The following UNC13C variants were observed in gnomAD, a reference collection of about 807,000 sequenced individuals.
UNC13C encodes protein unc-13 homolog C.
In UNC13C, 174 loss-of-function variants were observed where a neutral mutation model predicts 245.4. The ratio of observed to expected loss-of-function variants is 0.71; its 90% confidence interval spans 0.63 to 0.80. The LOEUF is 0.80. UNC13C is among the 30% of genes least tolerant of loss of function. The pLI, the probability that UNC13C is intolerant of heterozygous loss-of-function variation, is 0.00. For missense variants in UNC13C, 2,829 were observed against 2,602.9 expected (o/e 1.09, Z -1.89); for synonymous variants, 992 against 895.1 (o/e 1.11, Z -1.93).
intron 20 of UNC13C, among the ~76,000 whole-genome samples, chr15:54,495,321 C>T (rs1375324555): frequency 6.6e-6 from 1 of 151,964 alleles, no homozygotes; most frequent in Non-Finnish European, 1.5e-5. Context: ...ATAAAGACCC[C>T]CACCCTGAAA....
chr15:54,286,655 A>T (rs377256646), intron 10 of UNC13C, among the ~76,000 whole-genome samples: 59 of 152,076 alleles, frequency 3.9e-4, no homozygotes, highest in Non-Finnish European at 7.1e-4. Context: ...TATCTAGGAG[A>T]CTCTATATCT....
At chr15:54,382,845 T>A (rs1285271669) in intron 17 of UNC13C, among the ~76,000 whole-genome samples, 1 of 151,858 alleles carries the variant, frequency 6.6e-6, no homozygotes, top group Admixed American at 6.6e-5. Context: ...ACAGACGACC[T>A]CAGAAATGAA....
chr15:54,433,899 T>G (rs1046328861), intron 19 of UNC13C, among the ~76,000 whole-genome samples: 2 of 152,072 alleles, frequency 1.3e-5, no homozygotes, highest in East Asian at 3.9e-4. Flanking sequence ...AGATACAAAA[T>G]CGATGTGCAA....
chr15:54,501,930 C>G (rs1319630582), intron 22 of UNC13C, among the ~76,000 whole-genome samples: 1 of 152,100 alleles, frequency 6.6e-6, no homozygotes, highest in Non-Finnish European at 1.5e-5. Flanking sequence ...GAAGATACCC[C>G]AGATCTTGAA....
intron 30 of UNC13C, among the ~76,000 whole-genome samples, chr15:54,587,150 TGTGTC>T (rs1898537439): frequency 6.6e-6 from 1 of 152,212 alleles, no homozygotes; most frequent in Non-Finnish European, 1.5e-5. Context: ...TTCAAACTGT[TGTGTC>T]ATGTTGATTT....
chr15:54,027,714 T>C (rs952888008), intron 2 of UNC13C, among the ~76,000 whole-genome samples: 2 of 152,128 alleles, frequency 1.3e-5, no homozygotes, highest in Non-Finnish European at 2.9e-5. Flanking sequence ...CACCATCCTC[T>C]GTTTGCTTAA....
the UNC13C span, among the ~76,000 whole-genome samples, chr15:53,925,912 G>A: frequency 1.3e-5 from 2 of 152,270 alleles, no homozygotes; most frequent in East Asian, 3.9e-4. Context: ...TGAATTTGCA[G>A]ACAAGGCTTC....
upstream of UNC13C, among the ~76,000 whole-genome samples, chr15:53,973,520 T>C (rs2140936763): frequency 1.3e-5 from 2 of 152,104 alleles, no homozygotes; most frequent in Middle Eastern, 6.8e-3. Context: ...GGCACCCTGA[T>C]TTCAGAGTCT....
At chr15:53,997,476 A>G (rs1273765387) in intron 1 of UNC13C, among the ~76,000 whole-genome samples, 1 of 152,156 alleles carries the variant, frequency 6.6e-6, no homozygotes, top group South Asian at 2.1e-4. Context: ...ATTTTTCTAT[A>G]CCTTTAGTTT....
At chr15:54,079,203 G>A (rs148612196) in intron 2 of UNC13C, among the ~76,000 whole-genome samples, 7 of 152,048 alleles carry the variant, frequency 4.6e-5, no homozygotes, top group Non-Finnish European at 8.8e-5. Flanking sequence ...ATGTTCCTTT[G>A]GTTACCATAG....
intron 1 of UNC13C, among the ~76,000 whole-genome samples, chr15:53,993,300 A>G (rs1266356393): frequency 6.6e-6 from 1 of 152,132 alleles, no homozygotes; most frequent in African/African-American, 2.4e-5. Flanking sequence ...GTATTAAAGC[A>G]AGGGGTTCAA....
At chr15:54,225,997 T>C (rs574602836) in intron 4 of UNC13C, among the ~76,000 whole-genome samples, 3 of 152,342 alleles carry the variant, frequency 2.0e-5, no homozygotes, top group Non-Finnish European at 4.4e-5. Context: ...ACCTAGTTTA[T>C]TGAGAGTTTT....
chr15:54,525,385 T>C (rs2141138139), intron 24 of UNC13C, among the ~76,000 whole-genome samples, 164 bp from the exon 25 acceptor site: 1 of 146,218 alleles, frequency 6.8e-6, no homozygotes, highest in African/African-American at 2.5e-5. Flanking sequence ...TAAAGTTTCC[T>C]AAATGTTTAG....
intron 2 of UNC13C, among the ~76,000 whole-genome samples, chr15:54,079,826 G>T (rs1219147388): frequency 6.6e-6 from 1 of 151,708 alleles, no homozygotes; most frequent in Non-Finnish European, 1.5e-5. Flanking sequence ...AATTATTCTG[G>T]CTAGGACTTC....
At chr15:54,625,792 T>A (rs1193324740) in intron 32 of UNC13C, among the ~76,000 whole-genome samples, 1 of 152,168 alleles carries the variant, frequency 6.6e-6, no homozygotes, top group Non-Finnish European at 1.5e-5. Context: ...AACATTTCAC[T>A]ATCTACTTCA....
chr15:54,468,251 C>A (rs1434726448), intron 19 of UNC13C, among the ~76,000 whole-genome samples: 1 of 151,656 alleles, frequency 6.6e-6, no homozygotes. Context: ...TCTATATATT[C>A]TTGTGAGAAA....
the UNC13C span, among the ~76,000 whole-genome samples, chr15:53,961,425 A>G: frequency 6.6e-6 from 1 of 152,220 alleles, no homozygotes; most frequent in Non-Finnish European, 1.5e-5. Context: ...ATTTGTCTTC[A>G]TGAGGAGGGA....
chr15:54,139,024 A>G (rs996103695), intron 2 of UNC13C, among the ~76,000 whole-genome samples: 2 of 119,110 alleles, frequency 1.7e-5, no homozygotes, highest in African/African-American at 6.4e-5. Flanking sequence ...CAGTGGTGCG[A>G]TCTCGACTCA....
chr15:54,304,931 C>T (rs1270851937), intron 13 of UNC13C, among the ~76,000 whole-genome samples: 1 of 151,830 alleles, frequency 6.6e-6, no homozygotes, highest in African/African-American at 2.4e-5. Flanking sequence ...TGTTTTTATA[C>T]AAAAATATAC....
Sources: gnomAD v4.1 joint callset for allele counts (sites outside exome capture counted in the v4.1 genomes callset) on GRCh38, gnomAD v4.1.1 for gene constraint, MANE v1.5 for transcripts, NCBI Gene and HGNC (gene_info 2026-07-23, HGNC 2026-07-21) for gene names.